Variants in PLEKHM1 observed in about 807,000 individuals in gnomAD.
PLEKHM1 encodes pleckstrin homology domain-containing family M member 1.
In PLEKHM1, 28 loss-of-function variants were observed where a neutral mutation model predicts 94.3. The ratio of observed to expected loss-of-function variants is 0.30; its 90% CI spans 0.22 to 0.41. PLEKHM1 has a LOEUF of 0.41. Ranked by LOEUF, PLEKHM1 falls within the 10% of genes least tolerant of loss-of-function variation. The pLI, the probability that PLEKHM1 is intolerant of heterozygous loss-of-function variation, is 1.00. For missense variants in PLEKHM1, 907 were observed against 1,358.6 expected (o/e 0.67, Z 5.22); for synonymous variants, 424 against 581.2 (o/e 0.73, Z 3.89).
At chr17:45,479,026 CTTT>C (rs60676372) in intron 2 of PLEKHM1, among the ~76,000 whole-genome samples, 1 of 136,912 alleles carries the variant, frequency 7.3e-6, no homozygotes, top group Admixed American at 7.3e-5. Context: ...CTTTTTTTTT[CTTT>C]TTTTTTTTGG....
intron 9 of PLEKHM1, among the ~76,000 whole-genome samples, chr17:45,441,622 G>T: frequency 6.6e-6 from 1 of 152,178 alleles, no homozygotes; most frequent in Non-Finnish European, 1.5e-5. Context: ...CCTGTGCCCT[G>T]GGCCTGTCAC....
chr17:45,451,249 T>C (rs1388572025), intron 7 of PLEKHM1, among the ~76,000 whole-genome samples: 1 of 152,146 alleles, frequency 6.6e-6, no homozygotes, highest in Non-Finnish European at 1.5e-5. Flanking sequence ...GGGTCGGGGC[T>C]GGCAACAGGG....
intron 2 of PLEKHM1, among the ~76,000 whole-genome samples, chr17:45,480,507 CAAAA>C (rs1364286923): frequency 5.3e-5 from 8 of 151,820 alleles, no homozygotes; most frequent in African/African-American, 1.9e-4. Context: ...AACAAAAAAA[CAAAA>C]AAACAAACAA....
chr17:45,452,443 A>G (rs1449588470), intron 7 of PLEKHM1, among the ~76,000 whole-genome samples: 3 of 148,638 alleles, frequency 2.0e-5, no homozygotes, highest in African/African-American at 7.5e-5. Context: ...ACAAACAAAC[A>G]AAAAAGGAAA....
chr17:45,488,263 T>C (rs1269354290), intron 1 of PLEKHM1, among the ~76,000 whole-genome samples: 1 of 152,146 alleles, frequency 6.6e-6, no homozygotes, highest in Non-Finnish European at 1.5e-5. Context: ...TCCCAGAGGA[T>C]TCTAACAAGG....
intron 5 of PLEKHM1, among the ~76,000 whole-genome samples, chr17:45,465,565 C>T (rs1236820313): frequency 6.6e-6 from 1 of 151,898 alleles, no homozygotes; most frequent in Non-Finnish European, 1.5e-5. Context: ...CAAAAATTAG[C>T]TGGGCATGGT....
intron 1 of PLEKHM1, among the ~76,000 whole-genome samples, chr17:45,486,240 A>ATAATAAT (rs1555588808): frequency 1.4e-5 from 2 of 142,862 alleles, no homozygotes; most frequent in African/African-American, 5.0e-5. Flanking sequence ...TAAAATAAAA[A>ATAATAAT]AATAATAATA....
At chr17:45,439,781 G>T in intron 10 of PLEKHM1, 147 bp from the exon 11 acceptor site, 1 of 1,079,388 alleles carries the variant, frequency 9.3e-7, no homozygotes, top group Non-Finnish European at 1.4e-6. Flanking sequence ...TTCCACACGG[G>T]CAAGAAAAGA....
chr17:45,446,024 C>A, intron 8 of PLEKHM1: 1 of 398,554 alleles, frequency 2.5e-6, no homozygotes, highest in African/African-American at 2.0e-5. Flanking sequence ...CTATTTCCCC[C>A]CACTGAAGGA....
intron 1 of PLEKHM1, among the ~76,000 whole-genome samples, chr17:45,489,984 G>A (rs2052257280): frequency 6.6e-6 from 1 of 152,212 alleles, no homozygotes; most frequent in African/African-American, 2.4e-5. Context: ...TCCTCAGTAC[G>A]GCAGGAGACG....
Position 45,437,795 on chromosome 17 carries a change from C to A in PLEKHM1, c.*63G>T, listed in dbSNP as rs764648792. On this transcript the variant is annotated 3_prime_UTR_variant, in exon 12 of 12. Transcript: ENST00000430334. The surrounding 1 kb of genome is among the most constrained non-coding windows in gnomAD (Gnocchi z 4.0). ...GTGAGTATCCTGGGCTGATGGCAAA[C>A]CCAGCCGGGATGGCTGAGCCACACT... 7.5e-7 allele frequency: 1 copy of A among 1,332,890 alleles called. No individual in the cohort carries two copies. Among genetic ancestry groups the A allele is most frequent in the South Asian group, 1.2e-5 (1 of 85,508 alleles). 82.6% of individuals were successfully genotyped at this position (1,332,890 alleles called of 1,614,324 possible). A position where few individuals can be genotyped will look rare whatever the true frequency, so the allele number is the denominator to read the frequency against.
chr17:45,476,650 C>A (rs1334364141), intron 3 of PLEKHM1, among the ~76,000 whole-genome samples: 1 of 152,248 alleles, frequency 6.6e-6, no homozygotes, highest in African/African-American at 2.4e-5. Context: ...ATCTGGGAGC[C>A]TGTAGGCTAC....
At chr17:45,458,067 C>A in intron 6 of PLEKHM1, 102 bp downstream of exon 6, 1 of 845,082 alleles carries the variant, frequency 1.2e-6, no homozygotes, top group Non-Finnish European at 1.9e-6. Flanking sequence ...CTTGTGGGAA[C>A]ACACTACCCC....
At chr17:45,438,136 A>G (rs1473637066) in intron 11 of PLEKHM1, among the ~76,000 whole-genome samples, 167 bp from the exon 12 acceptor site, 1 of 152,258 alleles carries the variant, frequency 6.6e-6, no homozygotes, top group Non-Finnish European at 1.5e-5. Context: ...GTCTTGAAAC[A>G]GTGCTTACCC....
rs969652355 is a variant in PLEKHM1, at chr17:45,437,143, C to T, written c.*715G>A. ...GCTAGAGAAGAGCTAGGGGCTCTGA[C>T]GCTGAGAAAGCGGTGGGCTCAGCAG... On this transcript the variant is annotated 3_prime_UTR_variant, in exon 12 of 12. Coordinates refer to ENST00000430334, the MANE Select transcript of PLEKHM1 (RefSeq NM_014798.3). The surrounding 1 kb of genome is among the most constrained non-coding windows in gnomAD (Gnocchi z 4.0). The T allele has an allele frequency of 3.1e-5, 14 of 453,688 alleles. No individual in the cohort carries two copies. The highest frequency in any genetic ancestry group is 5.3e-5 in the Non-Finnish European group (12 of 226,308). The allele number at this position is 453,688 out of a possible 1,614,324, so 28.1% of individuals were successfully genotyped here. A position where few individuals can be genotyped will look rare whatever the true frequency, so the allele number is the denominator to read the frequency against.
intron 5 of PLEKHM1, among the ~76,000 whole-genome samples, chr17:45,463,029 C>G (rs1332095106): frequency 6.7e-6 from 1 of 148,818 alleles, no homozygotes. Context: ...TTGCAGTGAG[C>G]CGAGATGGAT....
chr17:45,441,797 CCCA>C (rs2050455515), intron 9 of PLEKHM1, among the ~76,000 whole-genome samples: 2 of 152,302 alleles, frequency 1.3e-5, no homozygotes, highest in South Asian at 2.1e-4. Context: ...AGTTTCTCCA[CCCA>C]CACAATGAGG....
At chr17:45,468,734 CCCTCACGCAGTCCT>C (rs2051404428) in intron 4 of PLEKHM1, 141 bp from the exon 5 acceptor site, 1 of 862,506 alleles carries the variant, frequency 1.2e-6, no homozygotes, top group Non-Finnish European at 1.8e-6. Context: ...ACTGCACTCC[CCCTCACGCAGTCCT>C]CCTCTGACAC....
In PLEKHM1 at chr17:45,436,105, G is replaced by T. The variant is rs565113197; in HGVS notation, c.*1753C>A. 8.5e-5 allele frequency: 39 copies of T among 456,494 alleles called. No individual in the cohort carries two copies. The East Asian group carries it at 2.5e-3, about 29-fold the overall frequency. 28.3% of individuals were successfully genotyped at this position (456,494 alleles called of 1,614,324 possible). On this transcript the variant is annotated 3_prime_UTR_variant, in exon 12 of 12. Coordinates refer to ENST00000430334, the MANE Select transcript of PLEKHM1 (RefSeq NM_014798.3). ...AGAGTCAATGCATCTGAAAGCACTG[G>T]CAGCTTCTGGGGAACGGGCCCCCCA...
Sources: gnomAD v4.1 joint callset for allele counts (sites outside exome capture counted in the v4.1 genomes callset) on GRCh38, gnomAD v4.1.1 for gene constraint, Gnocchi (gnomAD v3.1) non-coding constraint, MANE v1.5 for transcripts, NCBI Gene and HGNC (gene_info 2026-07-23, HGNC 2026-07-21) for gene names.